The following WNT11 variants were observed in gnomAD, a reference collection of about 807,000 sequenced individuals.
The protein encoded by WNT11 is protein Wnt-11.
WNT11 carries 20 observed loss-of-function variants against 35.6 expected under a neutral mutation model. That is an observed-to-expected ratio of 0.56 (90% CI 0.40 to 0.82). The LOEUF (loss-of-function observed/expected upper bound fraction) is 0.82, where lower values mean the gene tolerates loss of function less well. Ranked by LOEUF, WNT11 falls within the 40% of genes least tolerant of loss-of-function variation. The pLI is 0.00. For missense variants in WNT11, 459 were observed against 504.4 expected, an observed-to-expected ratio of 0.91 and a Z score of 0.86; for synonymous variants, 200 against 211.9, an observed-to-expected ratio of 0.94 and a Z score of 0.49.
intron 4 of WNT11, among the ~76,000 whole-genome samples, chr11:76,188,380 A>G (rs1953130116): frequency 6.6e-6 from 1 of 152,244 alleles, no homozygotes; most frequent in Non-Finnish European, 1.5e-5. Context: ...CAGGGGCTGC[A>G]TTTCTTCCCA....
At position 76,206,384 on chromosome 11, in the gene WNT11, G is replaced by A; in HGVS notation, c.24C>T (p.Cys8=). 3 of 1,548,128 alleles carry A rather than the reference G, an allele frequency of 1.9e-6. No individual in the cohort carries two copies. The highest frequency in any genetic ancestry group is 1.9e-5 in the Admixed American group (1 of 51,882). MRARPQV[C]EALLFALALQ... ...GCGCCAGGGCGAAGAGCAGCGCCTCGCAGACCTGCGGCCGCGCCCTCATCG... is the reference window on the plus strand; with the variant it reads ...GCGCCAGGGCGAAGAGCAGCGCCTCACAGACCTGCGGCCGCGCCCTCATCG... Residue 8 remains cysteine, a synonymous_variant, in exon 1 of 5, where the codon TGC becomes TGT. Transcript: ENST00000322563.
Position 76,191,643 on chromosome 11 carries a change from A to G in WNT11, c.811T>C (p.Ser271Pro). The G allele has an allele frequency of 6.2e-7, 1 of 1,614,030 alleles. No homozygotes were observed. The highest frequency in any genetic ancestry group is 8.5e-7 in the Non-Finnish European group (1 of 1,180,032). The stretch of plus-strand genomic sequence containing the variant: ...GAGCTCTGCAGATAGACGAGTTCCG[A>G]GTCCTTCACAGGCCGGATATCCAGG... ...KDLDIRPVKD[S>P]ELVYLQSSPD... The change falls in exon 4 of 5, where the codon TCG becomes CCG. Residue 271 changes from serine (S) to proline (P), a missense_variant. By Grantham distance (74) the Ser-to-Pro change is moderately conservative. Transcript: ENST00000322563.
intron 1 of WNT11, among the ~76,000 whole-genome samples, chr11:76,204,476 C>T (rs545680889): frequency 7.6e-4 from 115 of 152,298 alleles, no homozygotes; most frequent in African/African-American, 2.6e-3. Context: ...CTTTGCACTC[C>T]GTCTCTGACC....
chr11:76,209,136 C>T (rs1297650537), upstream of WNT11, among the ~76,000 whole-genome samples: 1 of 152,172 alleles, frequency 6.6e-6, no homozygotes, highest in East Asian at 1.9e-4. Context: ...GTGGGCCGCC[C>T]TGACCTGCCC....
Position 76,206,422 on chromosome 11 carries a change from C to A in WNT11, c.-15G>T. 6.7e-7 allele frequency: 1 copy of A among 1,492,532 alleles called. No homozygotes were observed. Among genetic ancestry groups the A allele is most frequent in the Non-Finnish European group, 8.9e-7 (1 of 1,125,888 alleles). The allele number at this position is 1,492,532 out of a possible 1,614,324, so 92.5% of individuals were successfully genotyped here. The stretch of plus-strand genomic sequence containing the variant: ...CGCGCCCTCATCGTCGCGCGGCGGG[C>A]GCGCCCGGGGTCACACCCAGGAGGA... On this transcript the variant is annotated 5_prime_UTR_variant, in exon 1 of 5. Coordinates refer to ENST00000322563, the MANE Select transcript of WNT11 (RefSeq NM_004626.3).
At chr11:76,195,529 G>A (rs547400052) in intron 2 of WNT11, among the ~76,000 whole-genome samples, 33 of 152,340 alleles carry the variant, frequency 2.2e-4, no homozygotes, top group Admixed American at 1.8e-3. Flanking sequence ...AGCACCTTCA[G>A]GGGGAGCACG....
intron 1 of WNT11, among the ~76,000 whole-genome samples, chr11:76,201,172 A>G (rs377705694): frequency 6.6e-6 from 1 of 152,226 alleles, no homozygotes; most frequent in East Asian, 1.9e-4. Flanking sequence ...CAGACTCCCC[A>G]GGCGGCCCAA....
At chr11:76,192,226 C>T (rs1953196917) in intron 3 of WNT11, among the ~76,000 whole-genome samples, 4 of 152,106 alleles carry the variant, frequency 2.6e-5, no homozygotes, top group African/African-American at 4.8e-5. Flanking sequence ...AGTCTCATGC[C>T]CAAGGGTGCA....
chr11:76,203,830 C>T (rs1444008663), intron 1 of WNT11, among the ~76,000 whole-genome samples: 1 of 152,228 alleles, frequency 6.6e-6, no homozygotes, highest in Non-Finnish European at 1.5e-5. Context: ...GGTGAGTCCC[C>T]GGCTTTCCAG....
intron 4 of WNT11, 71 bp from the exon 5 acceptor site, chr11:76,187,310 GC>G: frequency 7.0e-7 from 1 of 1,434,540 alleles, no homozygotes; most frequent in Non-Finnish European, 9.2e-7. Context: ...ATGACTCCCA[GC>G]CAGGCAGCCG....
At chr11:76,198,786 A>T (rs559747719) in intron 1 of WNT11, among the ~76,000 whole-genome samples, 6 of 152,182 alleles carry the variant, frequency 3.9e-5, no homozygotes, top group Non-Finnish European at 8.8e-5. Context: ...CAGCTGTGTG[A>T]CCTAGGTAAG....
chr11:76,196,700 T>A lies in WNT11; in HGVS notation c.102A>T (p.Pro34=). 3.1e-6 allele frequency: 5 copies of A among 1,610,462 alleles called. No homozygotes were observed. Among genetic ancestry groups the A allele is most frequent in the Non-Finnish European group, 4.2e-6 (5 of 1,178,834 alleles). Residue 34 remains proline, a synonymous_variant, in exon 2 of 5, where the codon CCA becomes CCT. Transcript: ENST00000322563. ...GIKWLALSKT[P]SALALNQTQH... ...GCGTCTGGTTCAGTGCCAGGGCCGA[T>A]GGTGTCTTGGACAGCGCCCTGCACA...
At chr11:76,204,095 A>G (rs94111) in intron 1 of WNT11, among the ~76,000 whole-genome samples, 95,513 of 152,058 alleles carry the variant, frequency 0.63, 30,299 homozygotes, top group East Asian at 0.79. Context: ...TTAGAACGGC[A>G]CCTAGCACAA....
intron 3 of WNT11, among the ~76,000 whole-genome samples, chr11:76,192,370 G>A (rs1188967438): frequency 3.9e-5 from 6 of 152,198 alleles, no homozygotes; most frequent in Admixed American, 3.9e-4. Context: ...GAGAAGGAAG[G>A]AAGGGAGGAG....
chr11:76,201,617 C>T (rs570113022), intron 1 of WNT11, among the ~76,000 whole-genome samples: 6 of 152,248 alleles, frequency 3.9e-5, no homozygotes, highest in African/African-American at 9.6e-5. Context: ...AGGGCCCTAC[C>T]GGGGTGGCAA....
intron 4 of WNT11, among the ~76,000 whole-genome samples, chr11:76,187,782 C>G (rs144616035): frequency 1.9e-3 from 289 of 152,298 alleles, no homozygotes; most frequent in African/African-American, 6.7e-3. Flanking sequence ...CTGTGCCCAG[C>G]CTTGTTTTGT....
rs140761261 is a variant in WNT11 at position 76,196,376 on chromosome 11, T to C, written c.319+107A>G. ...CACCCGTCATTCATCCATGAATCCA[T>C]CATCCACCCACCCATGAACCCATCC... On this transcript the variant is annotated intron_variant, in intron 2 of 4. Transcript: ENST00000322563. 203 of 1,287,130 alleles carry C rather than the reference T, an allele frequency of 1.6e-4. 1 individual carries two copies. The East Asian group carries it at 4.6e-3, about 29-fold the overall frequency. The allele number at this position is 1,287,130 out of a possible 1,614,324, so 79.7% of individuals were successfully genotyped here.
At chr11:76,189,757 C>T (rs932273335) in intron 4 of WNT11, among the ~76,000 whole-genome samples, 1 of 152,206 alleles carries the variant, frequency 6.6e-6, no homozygotes, top group African/African-American at 2.4e-5. Context: ...GGACCTCCCA[C>T]CAGCACCTGC....
upstream of WNT11, among the ~76,000 whole-genome samples, chr11:76,208,847 G>A (rs566175287): frequency 4.5e-4 from 68 of 152,318 alleles, no homozygotes; most frequent in African/African-American, 1.5e-3. Context: ...GGTCCTGACG[G>A]ACTGTTCCTG....
Sources: gnomAD v4.1 joint callset for allele counts (sites outside exome capture counted in the v4.1 genomes callset) on GRCh38, gnomAD v4.1.1 for gene constraint, MANE v1.5 for transcripts, NCBI Gene and HGNC (gene_info 2026-07-23, HGNC 2026-07-21) for gene names.